The following ADGRB3 variants were observed in gnomAD, a reference collection of about 807,000 sequenced individuals.
ADGRB3 encodes adhesion G protein-coupled receptor B3.
ADGRB3 carries 37 observed loss-of-function variants against 193.4 expected under a neutral mutation model. The observed-to-expected ratio is 0.19, with a 90% CI of 0.15 to 0.25. ADGRB3 has a LOEUF of 0.25. Among genes scored for constraint, ADGRB3 ranks in the 10% least tolerant of loss-of-function variants. ADGRB3 has a pLI of 1.00. For synonymous variants in ADGRB3, 690 were observed against 644.2 expected, an observed-to-expected ratio of 1.07 and a Z score of -1.08; for missense variants, 1,637 against 1,852.9, an observed-to-expected ratio of 0.88 and a Z score of 2.14.
chr6:68,826,969 A>C (rs894272310), intron 3 of ADGRB3, among the ~76,000 whole-genome samples: 2 of 152,220 alleles, frequency 1.3e-5, no homozygotes, highest in African/African-American at 2.4e-5. Context: ...GGTTTCAAAC[A>C]GAAAGGTAGT....
At chr6:68,896,177 A>G (rs1468045734) in intron 3 of ADGRB3, among the ~76,000 whole-genome samples, 2 of 152,110 alleles carry the variant, frequency 1.3e-5, no homozygotes, top group African/African-American at 4.8e-5. Flanking sequence ...TTCTCTTAGA[A>G]CTTGTTGACC....
At chr6:68,920,017 G>T (rs1228558161) in intron 3 of ADGRB3, among the ~76,000 whole-genome samples, 1 of 152,162 alleles carries the variant, frequency 6.6e-6, no homozygotes, top group Non-Finnish European at 1.5e-5. Context: ...TGGAAGCAGA[G>T]TACAGCTGGC....
chr6:68,956,567 G>A, intron 7 of ADGRB3, 78 bp from the exon 8 acceptor site: 1 of 1,553,508 alleles, frequency 6.4e-7, no homozygotes. Flanking sequence ...GGAAGGGGTA[G>A]TAACATTCTC....
chr6:69,118,518 T>C (rs1370513063), intron 17 of ADGRB3, among the ~76,000 whole-genome samples: 1 of 152,138 alleles, frequency 6.6e-6, no homozygotes, highest in East Asian at 1.9e-4. Flanking sequence ...ACCTCAGTTC[T>C]AAATTCAGGC....
chr6:69,127,746 T>G (rs1339790353), intron 17 of ADGRB3, among the ~76,000 whole-genome samples: 1 of 152,198 alleles, frequency 6.6e-6, no homozygotes, highest in African/African-American at 2.4e-5. Context: ...TGATTCGTCT[T>G]TTAAAAAATT....
chr6:68,867,466 G>A (rs191949716), intron 3 of ADGRB3, among the ~76,000 whole-genome samples: 85 of 152,328 alleles, frequency 5.6e-4, no homozygotes, highest in Non-Finnish European at 1.1e-3. Flanking sequence ...AGCCCTCATG[G>A]AGAACCTCTA....
intron 16 of ADGRB3, among the ~76,000 whole-genome samples, chr6:69,074,646 G>A (rs1279465227): frequency 1.3e-5 from 2 of 151,140 alleles, no homozygotes; most frequent in African/African-American, 2.4e-5. Flanking sequence ...CTGGGTTGAC[G>A]ACATTCTCCT....
intron 3 of ADGRB3, among the ~76,000 whole-genome samples, chr6:68,880,728 A>G (rs1765709712): frequency 6.6e-6 from 1 of 152,222 alleles, no homozygotes; most frequent in South Asian, 2.1e-4. Flanking sequence ...TCCACAGAGC[A>G]TCTCCAGGAA....
At chr6:68,992,901 ATTAT>A (rs1286427031) in intron 10 of ADGRB3, among the ~76,000 whole-genome samples, 4 of 106,394 alleles carry the variant, frequency 3.8e-5, no homozygotes, top group Non-Finnish European at 6.1e-5. Flanking sequence ...TTAATTATTG[ATTAT>A]TTCATTTTTT....
chr6:68,884,150 C>T (rs962021220), intron 3 of ADGRB3, among the ~76,000 whole-genome samples: 2 of 152,058 alleles, frequency 1.3e-5, no homozygotes, highest in Admixed American at 6.5e-5. Context: ...TTTTTTAAAT[C>T]GACTTACTTT....
At chr6:68,965,735 GCAAA>G (rs1768362855) in intron 8 of ADGRB3, among the ~76,000 whole-genome samples, 3 of 152,246 alleles carry the variant, frequency 2.0e-5, no homozygotes, top group African/African-American at 7.2e-5. Flanking sequence ...ACTAGTAAGA[GCAAA>G]CAGTGAGATC....
intron 10 of ADGRB3, among the ~76,000 whole-genome samples, chr6:68,978,254 G>T (rs1768804003): frequency 6.6e-6 from 1 of 151,376 alleles, no homozygotes; most frequent in Non-Finnish European, 1.5e-5. Flanking sequence ...GTTAATTTGA[G>T]CTGTACCTGT....
chr6:69,060,220 T>TTC (rs556453350), intron 15 of ADGRB3, among the ~76,000 whole-genome samples: 2,960 of 129,610 alleles, frequency 0.023, 76 homozygotes, highest in East Asian at 0.088. Context: ...CTCTCTCTCT[T>TTC]TCTCTCTCTC....
chr6:68,699,938 T>G (rs1434130474), intron 3 of ADGRB3, among the ~76,000 whole-genome samples: 1 of 152,132 alleles, frequency 6.6e-6, no homozygotes. Flanking sequence ...AAAGACATCT[T>G]CACTCCTAAC....
intron 3 of ADGRB3, among the ~76,000 whole-genome samples, chr6:68,683,363 A>G (rs1230129774): frequency 6.6e-6 from 1 of 152,174 alleles, no homozygotes; most frequent in Non-Finnish European, 1.5e-5. Context: ...ATATCATAAG[A>G]TAAGATGATA....
rs528513200 is a variant in ADGRB3, at chr6:68,659,756, A to C, written c.757+20324A>C. ...TGCATAATTTAACAGATTAAGAAGAAGAATTTAGAAAACCATTCTAGGGCA... is the reference window on the plus strand; with the variant it reads ...TGCATAATTTAACAGATTAAGAAGACGAATTTAGAAAACCATTCTAGGGCA... On this transcript the variant is annotated intron_variant, in intron 3 of 31. Coordinates refer to ENST00000370598, the MANE Select transcript of ADGRB3 (RefSeq NM_001704.3). Among the ~76,000 whole-genome samples the C allele has an allele frequency of 7.9e-5, 12 of 151,262 alleles. No homozygotes were observed. The South Asian group carries it at 8.3e-4, about 10-fold the overall frequency.
chr6:69,003,814 A>C (rs941459384), intron 11 of ADGRB3, among the ~76,000 whole-genome samples: 10 of 152,212 alleles, frequency 6.6e-5, no homozygotes, highest in Non-Finnish European at 1.0e-4. Context: ...TCTGGAAGAT[A>C]ACTGGTAACT....
chr6:68,813,355 A>C (rs1767557435), intron 3 of ADGRB3, among the ~76,000 whole-genome samples: 1 of 152,118 alleles, frequency 6.6e-6, no homozygotes, highest in African/African-American at 2.4e-5. Flanking sequence ...ACTGATACAG[A>C]ATCCTCAAGA....
At chr6:68,873,231 T>C (rs1310349350) in intron 3 of ADGRB3, among the ~76,000 whole-genome samples, 1 of 152,138 alleles carries the variant, frequency 6.6e-6, no homozygotes, top group Non-Finnish European at 1.5e-5. Context: ...TAATATGTAA[T>C]ATGATAAACA....
Sources: gnomAD v4.1 joint callset for allele counts (sites outside exome capture counted in the v4.1 genomes callset) on GRCh38, gnomAD v4.1.1 for gene constraint, MANE v1.5 for transcripts, NCBI Gene and HGNC (gene_info 2026-07-23, HGNC 2026-07-21) for gene names.